Variants in GPM6A observed in about 807,000 individuals in gnomAD.
GPM6A encodes neuronal membrane glycoprotein M6-a.
A neutral mutation model predicts 32.1 loss-of-function variants in GPM6A; 7 were observed. The observed-to-expected ratio is 0.22, with a 90% CI of 0.12 to 0.41. The LOEUF (loss-of-function observed/expected upper bound fraction) is 0.41. GPM6A is among the 10% of genes least tolerant of loss of function. The pLI is 1.00. For missense variants in GPM6A, 235 were observed against 347.2 expected, an observed-to-expected ratio of 0.68 and a Z score of 2.57; for synonymous variants, 130 against 123.4, an observed-to-expected ratio of 1.05 and a Z score of -0.35.
chr4:175,914,779 C>T (rs185461182), intron 1 of GPM6A, among the ~76,000 whole-genome samples: 1 of 152,234 alleles, frequency 6.6e-6, no homozygotes, highest in Admixed American at 6.5e-5. Flanking sequence ...TTCTATCTTG[C>T]AGCTATCTGT....
intron 1 of GPM6A, among the ~76,000 whole-genome samples, chr4:175,964,184 C>T (rs1030650052): frequency 2.0e-5 from 3 of 151,616 alleles, no homozygotes; most frequent in Admixed American, 6.6e-5. Flanking sequence ...AGATAATGAT[C>T]TAACTATATC....
intron 1 of GPM6A, among the ~76,000 whole-genome samples, chr4:175,956,288 G>A (rs1012464871): frequency 2.0e-5 from 3 of 152,110 alleles, no homozygotes; most frequent in Non-Finnish European, 2.9e-5. Flanking sequence ...GGATGTTAGA[G>A]AAATTATAGA....
At chr4:175,694,526 T>G (rs1744470391) in intron 2 of GPM6A, among the ~76,000 whole-genome samples, 1 of 152,192 alleles carries the variant, frequency 6.6e-6, no homozygotes, top group African/African-American at 2.4e-5. Flanking sequence ...GAGATCTAGA[T>G]GATTTAAGGT....
intron 1 of GPM6A, among the ~76,000 whole-genome samples, chr4:175,930,288 T>G (rs1194771266): frequency 1.3e-5 from 2 of 152,104 alleles, no homozygotes; most frequent in African/African-American, 2.4e-5. Flanking sequence ...AAGTTTATTT[T>G]ATAGTCAAGA....
chr4:175,780,023 T>G (rs968307368), intron 1 of GPM6A, among the ~76,000 whole-genome samples: 5 of 151,950 alleles, frequency 3.3e-5, no homozygotes, highest in Non-Finnish European at 5.9e-5. Context: ...CAGAAAAAAT[T>G]AGTATTTTAA....
chr4:175,869,783 A>C (rs1046641847), intron 1 of GPM6A, among the ~76,000 whole-genome samples: 22 of 151,262 alleles, frequency 1.5e-4, no homozygotes, highest in South Asian at 6.2e-4. Flanking sequence ...AAAACAAACA[A>C]AAAAAAATAC....
chr4:175,918,417 G>T (rs1416254524), intron 1 of GPM6A, among the ~76,000 whole-genome samples: 1 of 151,840 alleles, frequency 6.6e-6, no homozygotes, highest in African/African-American at 2.4e-5. Flanking sequence ...GTAGGGAAAA[G>T]AAATGAGGCA....
At chr4:175,691,730 A>G (rs1744311543) in intron 2 of GPM6A, among the ~76,000 whole-genome samples, 1 of 152,210 alleles carries the variant, frequency 6.6e-6, no homozygotes, top group Non-Finnish European at 1.5e-5. Flanking sequence ...TAACCTGTAA[A>G]TATGTCATCT....
intron 1 of GPM6A, among the ~76,000 whole-genome samples, chr4:175,723,145 T>C (rs1212419818): frequency 6.6e-6 from 1 of 152,222 alleles, no homozygotes; most frequent in Admixed American, 6.5e-5. Context: ...ACAAAAGCTA[T>C]ATATTTTTCT....
chr4:175,894,462 C>T (rs1017517071), intron 1 of GPM6A, among the ~76,000 whole-genome samples: 28 of 152,100 alleles, frequency 1.8e-4, no homozygotes, highest in African/African-American at 6.5e-4. Context: ...TGACTCCCCT[C>T]TGAGGAAATA....
intron 1 of GPM6A, among the ~76,000 whole-genome samples, chr4:175,829,210 G>A (rs1179477309): frequency 1.3e-5 from 2 of 152,162 alleles, no homozygotes; most frequent in African/African-American, 4.8e-5. Flanking sequence ...GAGCCACCAG[G>A]CATGAGCCAC....
chr4:175,729,648 A>G (rs1011652694), intron 1 of GPM6A, among the ~76,000 whole-genome samples: 2 of 151,712 alleles, frequency 1.3e-5, no homozygotes, highest in African/African-American at 2.4e-5. Flanking sequence ...TGGATACCCT[A>G]CTTACTTGAT....
intron 2 of GPM6A, 73 bp downstream of exon 2, chr4:175,701,502 G>T (rs1744877977): frequency 2.0e-6 from 2 of 1,016,880 alleles, no homozygotes; most frequent in African/African-American, 1.6e-5. Context: ...CTAACTGTAG[G>T]CCCCTAATCA....
At chr4:175,675,869 C>T (rs1227834267) in intron 2 of GPM6A, among the ~76,000 whole-genome samples, 1 of 151,934 alleles carries the variant, frequency 6.6e-6, no homozygotes, top group African/African-American at 2.4e-5. Flanking sequence ...CCAGATTGGT[C>T]TGAAGGGATC....
chr4:175,648,267 G>A (rs1741587531), intron 4 of GPM6A, among the ~76,000 whole-genome samples: 3 of 152,114 alleles, frequency 2.0e-5, no homozygotes, highest in Admixed American at 2.0e-4. Flanking sequence ...TATCTTTGGT[G>A]GCCAGAGAGT....
intron 1 of GPM6A, among the ~76,000 whole-genome samples, chr4:175,885,046 T>C (rs1261687882): frequency 1.3e-5 from 2 of 152,198 alleles, no homozygotes; most frequent in East Asian, 3.9e-4. Flanking sequence ...TATAGGAAGA[T>C]ATCTTTCAGA....
At chr4:175,845,575 A>G (rs1001030786) in intron 1 of GPM6A, among the ~76,000 whole-genome samples, 1 of 152,080 alleles carries the variant, frequency 6.6e-6, no homozygotes, top group Non-Finnish European at 1.5e-5. Flanking sequence ...CTACATTTAA[A>G]TCTTCTTGAA....
chr4:175,648,007 A>C (rs938297831), intron 4 of GPM6A, among the ~76,000 whole-genome samples: 1 of 152,202 alleles, frequency 6.6e-6, no homozygotes, highest in African/African-American at 2.4e-5. Flanking sequence ...CCTTTGGATA[A>C]ATATTGATAA....
chr4:175,658,002 A>T (rs1405863890), intron 3 of GPM6A, among the ~76,000 whole-genome samples: 1 of 152,244 alleles, frequency 6.6e-6, no homozygotes, highest in Non-Finnish European at 1.5e-5. Context: ...CTAAATCATT[A>T]TGTAAATTAC....
Sources: gnomAD v4.1 joint callset for allele counts (sites outside exome capture counted in the v4.1 genomes callset) on GRCh38, gnomAD v4.1.1 for gene constraint, MANE v1.5 for transcripts, NCBI Gene and HGNC (gene_info 2026-07-23, HGNC 2026-07-21) for gene names.